ABCA13: variants seen among roughly 807,000 people sequenced by gnomAD.
ABCA13 encodes ATP-binding cassette sub-family A member 13.
ABCA13 carries 476 observed loss-of-function variants against 478.7 expected under a neutral mutation model. The observed-to-expected ratio is 0.99, with a 90% CI of 0.92 to 1.07. The LOEUF (loss-of-function observed/expected upper bound fraction) is 1.07. ABCA13 is among the 50% of genes least tolerant of loss of function. The pLI is 0.00. For missense variants in ABCA13, 6,060 were observed against 5,910.6 expected, an observed-to-expected ratio of 1.03 and a Z score of -0.83; for synonymous variants, 2,252 against 2,158.9, an observed-to-expected ratio of 1.04 and a Z score of -1.20.
chr7:48,247,262 A>G (rs557402643), intron 13 of ABCA13, among the ~76,000 whole-genome samples: 4 of 152,138 alleles, frequency 2.6e-5, no homozygotes, highest in Non-Finnish European at 4.4e-5. Flanking sequence ...GAAAATAAAT[A>G]AGAAAAGTGT....
intron 15 of ABCA13, among the ~76,000 whole-genome samples, chr7:48,264,805 T>C (rs1794661081): frequency 6.6e-6 from 1 of 151,712 alleles, no homozygotes; most frequent in Non-Finnish European, 1.5e-5. Context: ...TTTTTGTTTG[T>C]TTTCTTAATA....
intron 19 of ABCA13, among the ~76,000 whole-genome samples, chr7:48,285,786 A>C (rs950381607): frequency 2.0e-5 from 3 of 152,230 alleles, no homozygotes; most frequent in African/African-American, 7.2e-5. Flanking sequence ...TTATGCTTAA[A>C]GATAAGTGCT....
At chr7:48,191,229 T>C (rs1436665896) in intron 1 of ABCA13, among the ~76,000 whole-genome samples, 3 of 152,214 alleles carry the variant, frequency 2.0e-5, no homozygotes, top group Non-Finnish European at 4.4e-5. Context: ...CCTTGACCTT[T>C]CTTTATAGTT....
At chr7:48,591,170 A>G (rs145498446) in intron 57 of ABCA13, among the ~76,000 whole-genome samples, 1 of 151,932 alleles carries the variant, frequency 6.6e-6, no homozygotes, top group African/African-American at 2.4e-5. Context: ...TAAGATAAGG[A>G]CCGAGTTTTA....
At chr7:48,568,144 C>T (rs933105414) in intron 55 of ABCA13, among the ~76,000 whole-genome samples, 1 of 152,072 alleles carries the variant, frequency 6.6e-6, no homozygotes, top group African/African-American at 2.4e-5. Flanking sequence ...ACTTTCATTA[C>T]TTTGAAAAGA....
At chr7:48,347,862 G>T (rs894210407) in intron 29 of ABCA13, among the ~76,000 whole-genome samples, 1 of 152,230 alleles carries the variant, frequency 6.6e-6, no homozygotes, top group East Asian at 1.9e-4. Flanking sequence ...CTCTCTATGT[G>T]CCAGACACAG....
chr7:48,356,941 C>T (rs1810016510), intron 31 of ABCA13, among the ~76,000 whole-genome samples: 1 of 151,960 alleles, frequency 6.6e-6, no homozygotes, highest in South Asian at 2.1e-4. Context: ...GTTTTATATG[C>T]ACAAAGAATA....
intron 38 of ABCA13, among the ~76,000 whole-genome samples, chr7:48,396,758 C>T (rs748455223): frequency 1.3e-5 from 2 of 152,120 alleles, no homozygotes; most frequent in Non-Finnish European, 2.9e-5. Context: ...CTTTAAAATG[C>T]ACTCTCGGAA....
chr7:48,172,637 AAC>A (rs1247898332), intron 1 of ABCA13, among the ~76,000 whole-genome samples: 2 of 151,368 alleles, frequency 1.3e-5, no homozygotes, highest in East Asian at 3.9e-4. Flanking sequence ...CTACTAAAAA[AAC>A]ACAAAAAAAT....
chr7:48,216,524 T>TC (rs1019781063), intron 3 of ABCA13, among the ~76,000 whole-genome samples: 16 of 152,236 alleles, frequency 1.1e-4, no homozygotes, highest in South Asian at 4.1e-4. Flanking sequence ...TCCACATCTT[T>TC]CCCCCCCATT....
In ABCA13 at chr7:48,550,265, C is replaced by CTTTCTTTCTTT. The variant is rs749610273; in HGVS notation, c.14354+21923_14354+21924insCTTTCTTTTTT. 2.7e-5 allele frequency among the ~76,000 whole-genome samples: 4 copies of CTTTCTTTCTTT among 148,330 alleles called. 1 individual carries two copies. The highest frequency in any genetic ancestry group is 9.9e-5 in the African/African-American group (4 of 40,264). ...CAAACTCTTTGAAGTCTCTATTTTT[C>CTTTCTTTCTTT]TTTTTTTTGGAAATGGAGTCTCGCT... On this transcript the variant is annotated intron_variant, in intron 55 of 61. Transcript: ENST00000435803.
chr7:48,273,636 A>G lies in ABCA13; in HGVS notation c.3970A>G (p.Ile1324Val). The G allele has an allele frequency of 1.2e-6, 2 of 1,605,460 alleles. No individual in the cohort carries two copies. The highest frequency in any genetic ancestry group is 1.3e-5 in the African/African-American group (1 of 74,946). Residue 1324 changes from isoleucine (I) to valine (V), a missense_variant, in exon 17 of 62, where the codon ATC (isoleucine) becomes GTC (valine). By Grantham distance (29) the Ile-to-Val change is conservative (BLOSUM62 3). This residue lies in a region of ABCA13 where 4,423 missense variants were observed against 4,309.1 expected (regional missense o/e 1.03). Transcript: ENST00000435803. ...TTATGGAGAAAAATTTGAAAATATC[A>G]TCACTGAGCTAAGAGAAGCAATAGT... ...TNYGEKFENI[I>V]TELREAIVFL...
rs779416734 is a variant in ABCA13, at chr7:48,273,782, A to G, written c.4116A>G (p.Leu1372=). Reference sequence around the variant, plus strand: ...ATGTAAATACCTCACAGAGGATGTTACGTATTCTAGACACGTTAAATTCCA... The same window carrying G: ...ATGTAAATACCTCACAGAGGATGTTGCGTATTCTAGACACGTTAAATTCCA... ...FLYVNTSQRM[L]RILDTLNSTF... The change falls in exon 17 of 62, where the codon TTA becomes TTG. Residue 1372 remains leucine (L), a synonymous_variant. Coordinates refer to ENST00000435803, the MANE Select transcript of ABCA13 (RefSeq NM_152701.5). 39 of 1,611,108 alleles carry G rather than the reference A, an allele frequency of 2.4e-5. 1 individual carries two copies. In the South Asian group the frequency reaches 4.2e-4, roughly 17 times the overall value.
Position 48,524,245 on chromosome 7 carries a change from CA to C in ABCA13, c.14052-2del. 1 of 1,609,346 alleles carries C rather than the reference CA, an allele frequency of 6.2e-7. No individual in the cohort carries two copies. ...TGAATTCACTCTGATTTCATCTTCC[CA>C]GGGGTCATTCTACTCTCCAAGGCAC... On this transcript the variant is annotated splice_acceptor_variant, in intron 53 of 61. Transcript: ENST00000435803. LOFTEE classifies it high-confidence loss of function.
chr7:48,520,375 T>C, intron 53 of ABCA13, 81 bp downstream of exon 53: 2 of 1,443,050 alleles, frequency 1.4e-6, no homozygotes, highest in South Asian at 3.0e-5. Flanking sequence ...CTGGAGGTTG[T>C]AAAATAAAAA....
intron 59 of ABCA13, among the ~76,000 whole-genome samples, chr7:48,636,017 C>A (rs1794603642): frequency 6.6e-6 from 1 of 152,192 alleles, no homozygotes; most frequent in Non-Finnish European, 1.5e-5. Flanking sequence ...ATATCTATTT[C>A]ATGCTGGTAT....
chr7:48,444,394 C>T (rs928483881), intron 42 of ABCA13, among the ~76,000 whole-genome samples: 1 of 152,158 alleles, frequency 6.6e-6, no homozygotes, highest in Non-Finnish European at 1.5e-5. Context: ...ACTCAAAAGG[C>T]CTGTTTTAAT....
intron 1 of ABCA13, among the ~76,000 whole-genome samples, chr7:48,179,150 C>T (rs1795298721): frequency 6.6e-6 from 1 of 151,956 alleles, no homozygotes; most frequent in South Asian, 2.1e-4. Context: ...TTTTCAATTA[C>T]AGGAAAGGTT....
rs1829635778 is a variant in ABCA13, at chr7:48,489,340, A to AT, written c.13288dup (p.Tyr4430LeufsTer78). 2.5e-6 allele frequency: 4 copies of AT among 1,592,218 alleles called. No homozygotes were observed. The highest frequency in any genetic ancestry group is 3.4e-6 in the Non-Finnish European group (4 of 1,164,008). The stretch of plus-strand genomic sequence containing the variant: ...TACCCCCTACTGTGGACTGGAGACA[A>AT]TACGGTAATGTTATTTTTCATGCAT... On this transcript the variant is annotated frameshift_variant, in exon 48 of 62. Coordinates refer to ENST00000435803, the MANE Select transcript of ABCA13 (RefSeq NM_152701.5). LOFTEE classifies it high-confidence loss of function.
Sources: allele counts gnomAD v4.1 joint callset (sites outside exome capture counted in the v4.1 genomes callset), GRCh38; gene constraint gnomAD v4.1.1; regional missense constraint gnomAD v4.1.1; transcripts MANE v1.5; gene names NCBI Gene and HGNC (gene_info 2026-07-23, HGNC 2026-07-21).